The following RSBN1L variants were observed in gnomAD, a reference collection of about 807,000 sequenced individuals.
The protein encoded by RSBN1L is round spermatid basic protein 1 like.
A neutral mutation model predicts 67.7 loss-of-function variants in RSBN1L; 30 were observed. That is an observed-to-expected ratio of 0.44 (90% CI 0.33 to 0.60). The LOEUF is 0.60. Among genes scored for constraint, RSBN1L ranks in the 20% least tolerant of loss-of-function variants. The probability of loss-of-function intolerance (pLI) is 0.02; values close to 1 mark genes in which losing one functional copy is unlikely to be tolerated. For synonymous variants in RSBN1L, 433 were observed against 387.0 expected (o/e 1.12, Z -1.39); for missense variants, 992 against 1,031.7 (o/e 0.96, Z 0.53).
chr7:77,765,716 G>A (rs932648943), intron 4 of RSBN1L, 84 bp downstream of exon 4: 5 of 1,025,640 alleles, frequency 4.9e-6, no homozygotes, highest in Non-Finnish European at 7.0e-6. Context: ...AATTGTGATT[G>A]TTTCTTTCAT....
chr7:77,696,605 C>T lies in RSBN1L; in HGVS notation c.136C>T (p.Arg46Trp), dbSNP rs200508375. The T allele has an allele frequency of 2.5e-6, 4 of 1,614,066 alleles. No homozygotes were observed. Among genetic ancestry groups the T allele is most frequent in the Non-Finnish European group, 3.4e-6 (4 of 1,179,980 alleles). The change falls in exon 1 of 8, where the codon CGG becomes TGG. Residue 46 changes from arginine to tryptophan, a missense_variant. By Grantham distance (101) the Arg-to-Trp change is moderately radical. Coordinates refer to ENST00000334955, the MANE Select transcript of RSBN1L (RefSeq NM_198467.3). ...PPGSLSAKKVRTEEKKAPRRV... is the reference protein window; with the variant it reads ...PPGSLSAKKVWTEEKKAPRRV... ...GGGTTCTCTGTCCGCCAAGAAGGTC[C>T]GGACTGAGGAGAAGAAGGCACCGCG...
chr7:77,731,330 C>T (rs1791268928), intron 1 of RSBN1L, among the ~76,000 whole-genome samples: 1 of 152,122 alleles, frequency 6.6e-6, no homozygotes. Context: ...CCATCTCAAC[C>T]TCTCACCTAA....
intron 1 of RSBN1L, among the ~76,000 whole-genome samples, chr7:77,728,436 G>GT (rs929186997): frequency 2.6e-5 from 4 of 152,128 alleles, no homozygotes; most frequent in Admixed American, 1.3e-4. Context: ...TATGTAATCT[G>GT]TTTATTTTTT....
At chr7:77,719,740 G>A (rs895434672) in intron 1 of RSBN1L, among the ~76,000 whole-genome samples, 1 of 152,126 alleles carries the variant, frequency 6.6e-6, no homozygotes, top group Non-Finnish European at 1.5e-5. Flanking sequence ...GTTATGCCTG[G>A]CATGGTTTTT....
chr7:77,735,596 A>G (rs994887441), intron 1 of RSBN1L, among the ~76,000 whole-genome samples: 1 of 152,174 alleles, frequency 6.6e-6, no homozygotes, highest in African/African-American at 2.4e-5. Context: ...TATAATCTCT[A>G]CTATATTCCA....
Position 77,780,495 on chromosome 7 carries a change from G to C in RSBN1L, c.*1327G>C, listed in dbSNP as rs1294310809. ...GTTTAGAGAATTTTCTTACTAGTAA[G>C]TACCTTTACTAAGTAATAGCTAAGT... On this transcript the variant is annotated 3_prime_UTR_variant, in exon 8 of 8. Coordinates refer to ENST00000334955, the MANE Select transcript of RSBN1L (RefSeq NM_198467.3). 6.6e-6 allele frequency: 1 copy of C among 152,060 alleles called. No individual in the cohort carries two copies. The highest frequency in any genetic ancestry group is 1.5e-5 in the Non-Finnish European group (1 of 68,018). The allele number at this position is 152,060 out of a possible 1,614,324, so 9.4% of individuals were successfully genotyped here.
rs191297567 is a variant in RSBN1L, at chr7:77,729,460, G to A, written c.587-6950G>A. ...TACTAAGAACAGGTGTTCCAAAGTG[G>A]TAGTTACAATAAGAATCAACTGGCA... On this transcript the variant is annotated intron_variant, in intron 1 of 7. Transcript: ENST00000334955. 2.4e-4 allele frequency among the ~76,000 whole-genome samples: 36 copies of A among 152,264 alleles called. No homozygotes were observed. In the East Asian group the frequency reaches 6.9e-3, roughly 29 times the overall value.
chr7:77,764,803 T>C (rs773379934), intron 3 of RSBN1L, among the ~76,000 whole-genome samples: 18 of 152,006 alleles, frequency 1.2e-4, no homozygotes, highest in Admixed American at 3.9e-4. Flanking sequence ...GCTGATTTTT[T>C]TGTATTATTA....
chr7:77,759,052 A>G (rs1197623389), intron 3 of RSBN1L, among the ~76,000 whole-genome samples: 1 of 152,186 alleles, frequency 6.6e-6, no homozygotes, highest in Non-Finnish European at 1.5e-5. Context: ...AAAGTCTATT[A>G]TTTTAATAAT....
chr7:77,730,846 A>T (rs1791263691), intron 1 of RSBN1L, among the ~76,000 whole-genome samples: 1 of 152,188 alleles, frequency 6.6e-6, no homozygotes, highest in Non-Finnish European at 1.5e-5. Context: ...TGTGGTACAG[A>T]TTTTTGTGTA....
chr7:77,772,584 G>A (rs1791863630), intron 5 of RSBN1L, among the ~76,000 whole-genome samples: 1 of 152,226 alleles, frequency 6.6e-6, no homozygotes, highest in Admixed American at 6.5e-5. Context: ...AATAAAGCAT[G>A]CATGTTTTGT....
chr7:77,710,675 A>G (rs985696056), intron 1 of RSBN1L, among the ~76,000 whole-genome samples: 4 of 152,008 alleles, frequency 2.6e-5, no homozygotes, highest in Non-Finnish European at 5.9e-5. Context: ...GGCTCACCGT[A>G]AACTCTGCCT....
At chr7:77,739,540 C>T (rs955602212) in intron 2 of RSBN1L, among the ~76,000 whole-genome samples, 4 of 151,228 alleles carry the variant, frequency 2.6e-5, no homozygotes, top group Non-Finnish European at 5.9e-5. Flanking sequence ...TGGTGAAACC[C>T]CATCTCTACT....
chr7:77,701,928 T>TA (rs1316407217), intron 1 of RSBN1L, among the ~76,000 whole-genome samples: 1 of 147,422 alleles, frequency 6.8e-6, no homozygotes, highest in Non-Finnish European at 1.5e-5. Context: ...GCTGGGGTTA[T>TA]AGGCGTGAGC....
rs115930656 is a variant in RSBN1L, at chr7:77,734,143, T to C, written c.587-2267T>C. Among the ~76,000 whole-genome samples, 623 of 152,038 alleles carry C rather than the reference T, an allele frequency of 4.1e-3. 8 individuals carry two copies. The highest frequency in any genetic ancestry group is 0.014 in the African/African-American group (598 of 41,508). On this transcript the variant is annotated intron_variant, in intron 1 of 7. Transcript: ENST00000334955. ...TTTGTCTCAAAAAAAGAAAAAAAAG[T>C]TTATGGTTATTTTAACCTGTATGAT...
intron 2 of RSBN1L, among the ~76,000 whole-genome samples, chr7:77,737,638 C>G (rs1273734792): frequency 6.6e-6 from 1 of 152,148 alleles, no homozygotes; most frequent in Non-Finnish European, 1.5e-5. Flanking sequence ...CATATTCTAT[C>G]TGTGTTGTCT....
chr7:77,740,983 T>C (rs1454851877), intron 2 of RSBN1L, among the ~76,000 whole-genome samples: 1 of 125,284 alleles, frequency 8.0e-6, no homozygotes, highest in East Asian at 2.4e-4. Context: ...TTCTTTTCTT[T>C]TCTTTTTTTT....
At chr7:77,771,531 A>G (rs1351139305) in intron 5 of RSBN1L, among the ~76,000 whole-genome samples, 3 of 124,380 alleles carry the variant, frequency 2.4e-5, no homozygotes, top group Admixed American at 7.9e-5. Context: ...TTTTTTTGAG[A>G]TAGAGTCTAG....
intron 5 of RSBN1L, among the ~76,000 whole-genome samples, chr7:77,771,102 C>T (rs532787923): frequency 5.9e-5 from 9 of 152,160 alleles, no homozygotes; most frequent in African/African-American, 1.4e-4. Flanking sequence ...CCACCACACC[C>T]GGCTAATTTT....
Sources: gnomAD v4.1 joint callset for allele counts (sites outside exome capture counted in the v4.1 genomes callset) on GRCh38, gnomAD v4.1.1 for gene constraint, MANE v1.5 for transcripts, NCBI Gene and HGNC (gene_info 2026-07-23, HGNC 2026-07-21) for gene names.